Variants in GALNT13 observed in about 807,000 individuals in gnomAD.
GALNT13 encodes the protein UDP-GalNAc:polypeptide N-acetylgalactosaminyltransferase 13.
A neutral mutation model predicts 64.2 loss-of-function variants in GALNT13; 28 were observed. The ratio of observed to expected loss-of-function variants is 0.44; its 90% CI spans 0.32 to 0.60. GALNT13 has a LOEUF of 0.60. Ranked by LOEUF, GALNT13 falls within the 20% of genes least tolerant of loss-of-function variation. The pLI is 0.05. For missense variants in GALNT13, 577 were observed against 669.8 expected (o/e 0.86, Z 1.53); for synonymous variants, 214 against 224.6 (o/e 0.95, Z 0.42).
chr2:153,793,995 C>A, the GALNT13 span, among the ~76,000 whole-genome samples: 2 of 152,038 alleles, frequency 1.3e-5, no homozygotes, highest in Admixed American at 1.3e-4. Flanking sequence ...CCTCTTAGGG[C>A]GGACTACTTT....
At chr2:153,485,747 G>T in the GALNT13 span, among the ~76,000 whole-genome samples, 1 of 151,910 alleles carries the variant, frequency 6.6e-6, no homozygotes, top group Non-Finnish European at 1.5e-5. Context: ...AAAATAAAAA[G>T]GCTTTAGCCG....
chr2:154,114,040 T>C (rs1442273293), intron 3 of GALNT13, among the ~76,000 whole-genome samples: 1 of 152,208 alleles, frequency 6.6e-6, no homozygotes, highest in East Asian at 1.9e-4. Flanking sequence ...GAGCCGTCTG[T>C]CTTCTGCACA....
chr2:153,864,884 G>A, the GALNT13 span, among the ~76,000 whole-genome samples: 1 of 146,676 alleles, frequency 6.8e-6, no homozygotes, highest in Admixed American at 6.8e-5. Context: ...AAAGCTGGAG[G>A]CATCACGCTA....
At chr2:154,043,258 G>A (rs545669738) in intron 3 of GALNT13, among the ~76,000 whole-genome samples, 55 of 151,580 alleles carry the variant, frequency 3.6e-4, no homozygotes, top group Non-Finnish European at 7.1e-4. Flanking sequence ...AGTTGATATC[G>A]GAAAGCAAAA....
chr2:154,039,503 T>C lies in GALNT13; in HGVS notation c.142+94864T>C, dbSNP rs1304545498. 1.4e-5 allele frequency among the ~76,000 whole-genome samples: 2 copies of C among 139,506 alleles called. 1 individual carries two copies. Among genetic ancestry groups the C allele is most frequent in the Non-Finnish European group, 3.3e-5 (2 of 60,818 alleles). The allele number at this position is 139,506 out of a possible 152,430, so 91.5% of individuals were successfully genotyped here. ...AAGACCTTATGTTAAATTAAATGAA[T>C]CAGGCACAAAAAGATAAGTACTGCA... On this transcript the variant is annotated intron_variant, in intron 3 of 12. Transcript: ENST00000392825.
the GALNT13 span, among the ~76,000 whole-genome samples, chr2:153,085,443 C>T: frequency 6.6e-6 from 1 of 152,014 alleles, no homozygotes; most frequent in Non-Finnish European, 1.5e-5. Context: ...GTGGGCCAGC[C>T]CCCAGGGCTG....
chr2:154,162,974 ATT>A (rs199932056), intron 4 of GALNT13, among the ~76,000 whole-genome samples: 1 of 140,746 alleles, frequency 7.1e-6, no homozygotes, highest in African/African-American at 2.6e-5. Context: ...TTATTTTTCT[ATT>A]TTTTTTTTTA....
At chr2:153,933,168 T>C (rs1690653361) in intron 2 of GALNT13, among the ~76,000 whole-genome samples, 1 of 152,126 alleles carries the variant, frequency 6.6e-6, no homozygotes. Context: ...AGGTCCTGAA[T>C]TTCTTTGTTA....
the GALNT13 span, among the ~76,000 whole-genome samples, chr2:153,751,955 T>C: frequency 6.6e-6 from 1 of 151,970 alleles, no homozygotes; most frequent in Non-Finnish European, 1.5e-5. Flanking sequence ...TCTCTGGTGA[T>C]ATGATTTTCT....
At chr2:154,408,880 T>C (rs573642595) in intron 10 of GALNT13, 104 bp from the exon 11 acceptor site, 15 of 709,626 alleles carry the variant, frequency 2.1e-5, no homozygotes, top group East Asian at 2.1e-4. Context: ...CTTATGAAGT[T>C]GTATTATTCA....
intron 4 of GALNT13, among the ~76,000 whole-genome samples, chr2:154,153,948 T>C (rs558580965): frequency 0.012 from 1,773 of 152,252 alleles, 35 homozygotes; most frequent in African/African-American, 0.041. Flanking sequence ...CTGTCCTGCG[T>C]CCATTGTCTG....
At position 154,372,517 on chromosome 2, in the gene GALNT13, A is replaced by G. The variant is rs112065005; in HGVS notation, c.1157-23474A>G. On this transcript the variant is annotated intron_variant, in intron 9 of 12. Coordinates refer to ENST00000392825, the MANE Select transcript of GALNT13 (RefSeq NM_052917.4). Reference sequence around the variant, plus strand: ...TTGTAATAATACTTGCACACAGATAAAATTTAACAATCAACGACAGGGGAC... The same window carrying G: ...TTGTAATAATACTTGCACACAGATAGAATTTAACAATCAACGACAGGGGAC... Among the ~76,000 whole-genome samples the G allele has an allele frequency of 7.7e-3, 1,165 of 152,246 alleles. 24 individuals are homozygous for G. The highest frequency in any genetic ancestry group is 0.027 in the African/African-American group (1,113 of 41,566).
the GALNT13 span, among the ~76,000 whole-genome samples, chr2:153,231,429 ATGT>A: frequency 6.6e-6 from 1 of 152,226 alleles, no homozygotes; most frequent in Non-Finnish European, 1.5e-5. Context: ...GATCAAAGTC[ATGT>A]TGTTTAAAGA....
chr2:153,543,698 A>T, the GALNT13 span, among the ~76,000 whole-genome samples: 1 of 151,934 alleles, frequency 6.6e-6, no homozygotes, highest in African/African-American at 2.4e-5. Flanking sequence ...TGGGAAAACA[A>T]AATTGTCAAA....
At chr2:153,695,964 A>T in the GALNT13 span, among the ~76,000 whole-genome samples, 3 of 151,970 alleles carry the variant, frequency 2.0e-5, no homozygotes, top group African/African-American at 7.3e-5. Context: ...TCCTCTACCT[A>T]CTCTATTAGT....
chr2:154,403,584 T>G (rs1321575628), intron 10 of GALNT13, among the ~76,000 whole-genome samples: 1 of 152,210 alleles, frequency 6.6e-6, no homozygotes, highest in Non-Finnish European at 1.5e-5. Context: ...TCCACACTGC[T>G]TATCTCTCAG....
At chr2:153,578,961 T>C in the GALNT13 span, among the ~76,000 whole-genome samples, 2 of 152,210 alleles carry the variant, frequency 1.3e-5, no homozygotes, top group East Asian at 1.9e-4. Flanking sequence ...AACACAAGGC[T>C]TCTTGGTTGG....
At chr2:153,888,896 G>A (rs1687362101) in intron 1 of GALNT13, among the ~76,000 whole-genome samples, 1 of 151,946 alleles carries the variant, frequency 6.6e-6, no homozygotes, top group South Asian at 2.1e-4. Context: ...TTTCAGAACA[G>A]TCTTCATTTT....
intron 4 of GALNT13, among the ~76,000 whole-genome samples, chr2:154,176,629 T>C (rs993266757): frequency 1.3e-5 from 2 of 152,052 alleles, no homozygotes; most frequent in Non-Finnish European, 1.5e-5. Context: ...AGCTATTTGG[T>C]TTATGGTACA....
Sources: gnomAD v4.1 joint callset for allele counts (sites outside exome capture counted in the v4.1 genomes callset) on GRCh38, gnomAD v4.1.1 for gene constraint, MANE v1.5 for transcripts, NCBI Gene and HGNC (gene_info 2026-07-23, HGNC 2026-07-21) for gene names.